Variants in C12orf54 observed in about 807,000 individuals in gnomAD.
C12orf54 encodes the protein uncharacterized protein C12orf54.
C12orf54 carries 24 observed loss-of-function variants against 26.4 expected under a neutral mutation model. That is an observed-to-expected ratio of 0.91 (90% confidence interval 0.66 to 1.28). C12orf54 has a LOEUF of 1.28. Among genes scored for constraint, C12orf54 ranks in the 50% most tolerant of loss-of-function variants. The pLI is 0.00. For missense variants in C12orf54, 154 were observed against 150.9 expected (o/e 1.02, Z -0.11); for synonymous variants, 54 against 47.0 (o/e 1.15, Z -0.61).
chr12:48,418,906 C>T, the C12orf54 span, among the ~76,000 whole-genome samples: 1 of 147,928 alleles, frequency 6.8e-6, no homozygotes, highest in Non-Finnish European at 1.5e-5. Context: ...TAAGAAGGCA[C>T]CTGCCCTCAT....
the C12orf54 span, among the ~76,000 whole-genome samples, chr12:48,436,424 A>G: frequency 1.3e-5 from 2 of 152,216 alleles, no homozygotes; most frequent in Non-Finnish European, 2.9e-5. Context: ...AGACATCTAC[A>G]GAACTCTCCA....
chr12:48,423,991 C>T, the C12orf54 span, among the ~76,000 whole-genome samples: 4 of 151,980 alleles, frequency 2.6e-5, no homozygotes, highest in African/African-American at 7.2e-5. Context: ...ATATATGTCC[C>T]TTTACAAGTT....
the C12orf54 span, among the ~76,000 whole-genome samples, chr12:48,422,674 T>C: frequency 6.6e-6 from 1 of 152,204 alleles, no homozygotes; most frequent in Non-Finnish European, 1.5e-5. Context: ...TTAATATTTC[T>C]TTGAATGATG....
At chr12:48,426,984 G>T in the C12orf54 span, among the ~76,000 whole-genome samples, 1 of 152,118 alleles carries the variant, frequency 6.6e-6, no homozygotes, top group East Asian at 1.9e-4. Flanking sequence ...TTTGAGCCAT[G>T]CCCATGGGGT....
intron 4 of C12orf54, chr12:48,488,143 T>G (rs1455046418): frequency 1.3e-6 from 1 of 776,920 alleles, no homozygotes; most frequent in African/African-American, 1.7e-5. Context: ...TGGAGACATT[T>G]CTACTGGAAC....
At chr12:48,456,596 G>C in the C12orf54 span, among the ~76,000 whole-genome samples, 1 of 152,122 alleles carries the variant, frequency 6.6e-6, no homozygotes, top group Non-Finnish European at 1.5e-5. Flanking sequence ...CCTTGGGAAA[G>C]CTATTTCTCT....
chr12:48,446,831 C>T, the C12orf54 span, among the ~76,000 whole-genome samples: 6 of 152,086 alleles, frequency 3.9e-5, no homozygotes, highest in Admixed American at 6.6e-5. Context: ...AACTTTTCTG[C>T]GTCTAGAACT....
At chr12:48,432,134 G>A in the C12orf54 span, among the ~76,000 whole-genome samples, 2 of 152,150 alleles carry the variant, frequency 1.3e-5, no homozygotes, top group Non-Finnish European at 2.9e-5. Flanking sequence ...TTCCAGGAAT[G>A]CAACAATTCT....
At position 48,494,991 on chromosome 12, in the gene C12orf54, A is replaced by C; in HGVS notation, c.*40+12A>C. 6.3e-7 allele frequency: 1 copy of C among 1,579,744 alleles called. No individual in the cohort carries two copies. Among genetic ancestry groups the C allele is most frequent in the Admixed American group, 1.7e-5 (1 of 59,528 alleles). ...TCTGCTTCCGCCAGGTGCTTTACCCAAGCAGCCTTTCCCCTGAGCTCCACC... is the reference window on the plus strand; with the variant it reads ...TCTGCTTCCGCCAGGTGCTTTACCCCAGCAGCCTTTCCCCTGAGCTCCACC... On this transcript the variant is annotated intron_variant, in intron 8 of 8. Coordinates refer to ENST00000548364, the MANE Select transcript of C12orf54 (RefSeq NM_152319.4).
the C12orf54 span, chr12:48,473,019 G>A: frequency 1.9e-6 from 3 of 1,614,142 alleles, no homozygotes; most frequent in Non-Finnish European, 2.5e-6. Context: ...CGAGAGCTTA[G>A]ACCTTTTCAC....
At chr12:48,480,055 C>G (rs1954182912), upstream of C12orf54, among the ~76,000 whole-genome samples, 1 of 151,960 alleles carries the variant, frequency 6.6e-6, no homozygotes, top group African/African-American at 2.4e-5. Flanking sequence ...GGTCTTAAAG[C>G]AAGACCCTGG....
At chr12:48,475,527 T>C in the C12orf54 span, among the ~76,000 whole-genome samples, 1 of 152,000 alleles carries the variant, frequency 6.6e-6, no homozygotes, top group Non-Finnish European at 1.5e-5. Flanking sequence ...ATAACTAGAA[T>C]AACCAATGCA....
the C12orf54 span, chr12:48,473,336 TGAA>T: frequency 1.0e-3 from 1,206 of 1,169,932 alleles, 10 homozygotes; most frequent in African/African-American, 0.015. Flanking sequence ...ATGAGGAAGA[TGAA>T]GAAGAGCTTG....
the C12orf54 span, chr12:48,473,526 T>C: frequency 2.7e-6 from 1 of 365,862 alleles, no homozygotes; most frequent in African/African-American, 2.1e-5. Context: ...GATTGTAACG[T>C]TGCTGTGGGA....
upstream of C12orf54, among the ~76,000 whole-genome samples, chr12:48,478,015 C>T (rs549529799): frequency 6.6e-5 from 10 of 152,206 alleles, no homozygotes; most frequent in South Asian, 2.1e-4. Flanking sequence ...ACTGGCAAAC[C>T]GAATCCAGCA....
At chr12:48,483,808 A>C (rs1157763188) in intron 2 of C12orf54, among the ~76,000 whole-genome samples, 2 of 152,198 alleles carry the variant, frequency 1.3e-5, no homozygotes, top group Non-Finnish European at 2.9e-5. Context: ...AGGAGGGTTT[A>C]CTGTGAACTT....
At chr12:48,424,015 T>C in the C12orf54 span, among the ~76,000 whole-genome samples, 87 of 152,262 alleles carry the variant, frequency 5.7e-4, no homozygotes, top group Middle Eastern at 3.4e-3. Flanking sequence ...GGTGTTCTCA[T>C]CTATTCTTAG....
At chr12:48,460,655 G>C in the C12orf54 span, among the ~76,000 whole-genome samples, 2 of 152,062 alleles carry the variant, frequency 1.3e-5, no homozygotes, top group Non-Finnish European at 2.9e-5. Flanking sequence ...ATAGCACAAA[G>C]GCTGTTGGGA....
intron 6 of C12orf54, 108 bp downstream of exon 6, chr12:48,490,944 T>C: frequency 7.4e-7 from 1 of 1,354,710 alleles, no homozygotes; most frequent in Non-Finnish European, 1.0e-6. Context: ...AGATAAGAAG[T>C]GAGATATGGA....
Sources: allele counts gnomAD v4.1 joint callset (sites outside exome capture counted in the v4.1 genomes callset), GRCh38; gene constraint gnomAD v4.1.1; transcripts MANE v1.5; gene names NCBI Gene and HGNC (gene_info 2026-07-23, HGNC 2026-07-21).